The following PCDHA13 variants were observed in gnomAD, a reference collection of about 807,000 sequenced individuals.
PCDHA13 encodes protocadherin alpha-13.
Under a neutral mutation model 64.8 loss-of-function variants are expected in PCDHA13, and 54 were observed. That is an observed-to-expected ratio of 0.83 (90% CI 0.67 to 1.04). PCDHA13 has a LOEUF of 1.04. PCDHA13 is among the 50% of genes least tolerant of loss of function. The pLI, the probability that PCDHA13 is intolerant of heterozygous loss-of-function variation, is 0.00. For synonymous variants in PCDHA13, 587 were observed against 564.4 expected, an observed-to-expected ratio of 1.04 and a Z score of -0.57; for missense variants, 1,248 against 1,254.3, an observed-to-expected ratio of 0.99 and a Z score of 0.08.
chr5:140,914,944 C>CTTT (rs35695909), intron 1 of PCDHA13, among the ~76,000 whole-genome samples: 2 of 128,266 alleles, frequency 1.6e-5, no homozygotes, highest in Non-Finnish European at 3.3e-5. Context: ...GAAAAGTTGT[C>CTTT]TTTTTTTTTT....
chr5:140,965,928 C>T (rs2095948805), intron 1 of PCDHA13, among the ~76,000 whole-genome samples: 1 of 152,198 alleles, frequency 6.6e-6, no homozygotes, highest in South Asian at 2.1e-4. Flanking sequence ...GGCTTGCTCC[C>T]GGAAAGAGGG....
Position 140,884,342 on chromosome 5 carries a change from G to T in PCDHA13, c.2074G>T (p.Ala692Ser), listed in dbSNP as rs782616190. The T allele has an allele frequency of 6.2e-7, 1 of 1,613,902 alleles. No homozygotes were observed. The highest frequency in any genetic ancestry group is 1.7e-5 in the Admixed American group (1 of 60,030). ...GGCAGGCGCTGTGGGTCCAGAAGCG[G>T]CGCTGGTGGATGTCAATGTTTACTT... ...ASAGAVGPEA[A>S]LVDVNVYLII... The change falls in exon 1 of 4, where the codon GCG becomes TCG. Residue 692 changes from alanine (A) to serine (S), a missense_variant. Ala to Ser is a moderately conservative substitution (Grantham distance 99). Transcript: ENST00000289272.
In PCDHA13 at chr5:140,885,617, T is replaced by C. The variant is rs182455292; in HGVS notation, c.2394+955T>C. Among the ~76,000 whole-genome samples, 20 of 152,288 alleles carry C rather than the reference T, an allele frequency of 1.3e-4. No individual in the cohort carries two copies. The East Asian group carries it at 3.7e-3, about 28-fold the overall frequency. The stretch of plus-strand genomic sequence containing the variant: ...GATATTAATAATTTTAATTATAAAA[T>C]ATGTCACTGGATTGCCTTCCAAGTA... On this transcript the variant is annotated intron_variant, in intron 1 of 3. Coordinates refer to ENST00000289272, the MANE Select transcript of PCDHA13 (RefSeq NM_018904.3).
intron 3 of PCDHA13, among the ~76,000 whole-genome samples, chr5:140,992,594 G>A (rs782416770): frequency 2.6e-5 from 4 of 152,148 alleles, no homozygotes; most frequent in Non-Finnish European, 2.9e-5. Flanking sequence ...TGCATCTAGC[G>A]TCTGTGTCTA....
intron 1 of PCDHA13, among the ~76,000 whole-genome samples, chr5:140,916,167 C>T (rs2077462600): frequency 6.6e-6 from 1 of 152,080 alleles, no homozygotes; most frequent in South Asian, 2.1e-4. Context: ...TGCTGCCAGG[C>T]CTGGGACTCT....
intron 1 of PCDHA13, among the ~76,000 whole-genome samples, chr5:140,900,556 C>T (rs757442954): frequency 4.6e-5 from 7 of 152,168 alleles, no homozygotes; most frequent in Non-Finnish European, 5.9e-5. Flanking sequence ...GGATTACAGG[C>T]GTGAGCCACG....
chr5:140,993,786 C>G (rs2097581960), intron 3 of PCDHA13, among the ~76,000 whole-genome samples: 1 of 152,162 alleles, frequency 6.6e-6, no homozygotes, highest in Admixed American at 6.5e-5. Flanking sequence ...TGTACAGTAA[C>G]ATGCTGTGCA....
chr5:140,884,821 G>T (rs1470699415), intron 1 of PCDHA13, 159 bp downstream of exon 1: 1 of 1,011,638 alleles, frequency 9.9e-7, no homozygotes, highest in Admixed American at 3.4e-5. Context: ...TGGACATTAT[G>T]TGTTGGATTA....
At position 140,883,995 on chromosome 5, in the gene PCDHA13, C is replaced by A. The variant is rs1371206040; in HGVS notation, c.1727C>A (p.Thr576Lys). 1.2e-6 allele frequency: 2 copies of A among 1,612,878 alleles called. No homozygotes were observed. The highest frequency in any genetic ancestry group is 8.5e-7 in the Non-Finnish European group (1 of 1,179,602). ...LTPGAGSAGG[T>K]VSELMPRSVG... ...CCCGGGGCTGGCAGCGCGGGAGGCA[C>A]AGTGAGCGAGCTGATGCCGCGGTCG... is the stretch of plus-strand genomic sequence containing the variant. Residue 576 changes from threonine to lysine, a missense_variant, in exon 1 of 4, where the codon ACA becomes AAA. By Grantham distance (78) the Thr-to-Lys change is moderately conservative (BLOSUM62 -1). Coordinates refer to ENST00000289272, the MANE Select transcript of PCDHA13 (RefSeq NM_018904.3).
At chr5:140,956,924 G>A (rs2095321295) in intron 1 of PCDHA13, among the ~76,000 whole-genome samples, 2 of 151,898 alleles carry the variant, frequency 1.3e-5, no homozygotes, top group Non-Finnish European at 2.9e-5. Flanking sequence ...TAATCTTGCT[G>A]GATATAGGAT....
chr5:140,982,661 T>C, intron 3 of PCDHA13, 98 bp downstream of exon 3: 1 of 1,482,624 alleles, frequency 6.7e-7, no homozygotes, highest in Admixed American at 2.6e-5. Flanking sequence ...TCTTTTTCTT[T>C]TATATTTTTG....
chr5:140,985,346 A>G (rs2097147411), intron 3 of PCDHA13, among the ~76,000 whole-genome samples: 1 of 152,186 alleles, frequency 6.6e-6, no homozygotes, highest in African/African-American at 2.4e-5. Flanking sequence ...GCAGGCCCAG[A>G]TATAGACCCT....
At position 140,927,327 on chromosome 5, in the gene PCDHA13, C is replaced by T. The variant is rs781793681; in HGVS notation, c.2394+42665C>T. On this transcript the variant is annotated intron_variant, in intron 1 of 3. Coordinates refer to ENST00000289272, the MANE Select transcript of PCDHA13 (RefSeq NM_018904.3). ...TGACGCCCGGAGCCCGCTTTACTCT[C>T]CCGAATGCCCAAGATGACGACGAGG... 8.5e-5 allele frequency: 137 copies of T among 1,614,206 alleles called. No individual in the cohort carries two copies. In the Middle Eastern group the frequency reaches 3.6e-3, roughly 43 times the overall value.
chr5:140,985,619 G>C (rs961379624), intron 3 of PCDHA13, among the ~76,000 whole-genome samples: 2 of 152,064 alleles, frequency 1.3e-5, no homozygotes, highest in African/African-American at 2.4e-5. Context: ...TGAACCAGCT[G>C]TGTATTGCTC....
At chr5:140,942,418 A>G (rs1554214971) in intron 1 of PCDHA13, among the ~76,000 whole-genome samples, 2 of 152,146 alleles carry the variant, frequency 1.3e-5, no homozygotes, top group South Asian at 2.1e-4. Flanking sequence ...TTAAAAAAAA[A>G]AAAGATATCT....
At chr5:140,955,293 T>A (rs2095165956) in intron 1 of PCDHA13, among the ~76,000 whole-genome samples, 1 of 152,182 alleles carries the variant, frequency 6.6e-6, no homozygotes, top group Non-Finnish European at 1.5e-5. Flanking sequence ...ATGGTTTGGC[T>A]GTGTCCCCAC....
At chr5:140,981,977 G>A (rs1321410399) in intron 2 of PCDHA13, among the ~76,000 whole-genome samples, 1 of 152,128 alleles carries the variant, frequency 6.6e-6, no homozygotes, top group African/African-American at 2.4e-5. Context: ...TATAGAAAGA[G>A]TAAAATAGAA....
chr5:140,993,532 A>C (rs1159592677), intron 3 of PCDHA13, among the ~76,000 whole-genome samples: 1 of 151,984 alleles, frequency 6.6e-6, no homozygotes, highest in African/African-American at 2.4e-5. Flanking sequence ...ACAGAGAGAG[A>C]GAGAGATAGA....
intron 1 of PCDHA13, chr5:140,968,895 T>G: frequency 6.2e-7 from 1 of 1,614,218 alleles, no homozygotes; most frequent in Non-Finnish European, 8.5e-7. Context: ...TATCTAATAA[T>G]AGCATTAAGC....
Sources: allele counts gnomAD v4.1 joint callset (sites outside exome capture counted in the v4.1 genomes callset), GRCh38; gene constraint gnomAD v4.1.1; transcripts MANE v1.5; gene names NCBI Gene and HGNC (gene_info 2026-07-23, HGNC 2026-07-21).